SYT1: variants seen among roughly 807,000 people sequenced by gnomAD.
The protein encoded by SYT1 is synaptotagmin 1, also known as synaptotagmin-1.
SYT1 carries 8 observed loss-of-function variants against 44.8 expected under a neutral mutation model. That is an observed-to-expected ratio of 0.18 (90% CI 0.10 to 0.32). The LOEUF (loss-of-function observed/expected upper bound fraction) is 0.32, where lower values mean the gene tolerates loss of function less well. SYT1 is among the 10% of genes least tolerant of loss of function. The pLI is 1.00. For synonymous variants in SYT1, 154 were observed against 188.8 expected (o/e 0.82, Z 1.51); for missense variants, 286 against 509.3 (o/e 0.56, Z 4.22).
At chr12:79,270,618 A>G (rs959071514) in intron 4 of SYT1, among the ~76,000 whole-genome samples, 1 of 152,234 alleles carries the variant, frequency 6.6e-6, no homozygotes, top group African/African-American at 2.4e-5. Context: ...ATCTGCCCTT[A>G]AAAGTGAAAC....
chr12:79,095,624 C>T (rs1196794226), intron 3 of SYT1, among the ~76,000 whole-genome samples: 1 of 151,916 alleles, frequency 6.6e-6, no homozygotes, highest in Admixed American at 6.6e-5. Flanking sequence ...TCTTGCCACT[C>T]TTACTCAACT....
intron 8 of SYT1, among the ~76,000 whole-genome samples, chr12:79,310,157 G>A (rs1470486917): frequency 5.3e-5 from 8 of 151,932 alleles, no homozygotes; most frequent in Non-Finnish European, 7.4e-5. Flanking sequence ...TAGGTCTAAC[G>A]TTTAAGTCTT....
intron 7 of SYT1, among the ~76,000 whole-genome samples, chr12:79,298,338 G>A (rs1240137785): frequency 2.0e-5 from 3 of 151,992 alleles, no homozygotes; most frequent in Non-Finnish European, 4.4e-5. Context: ...AAATAATCAG[G>A]TTCCAAACAG....
chr12:78,915,781 T>C (rs1446081731), intron 1 of SYT1, among the ~76,000 whole-genome samples: 2 of 152,048 alleles, frequency 1.3e-5, no homozygotes, highest in African/African-American at 2.4e-5. Flanking sequence ...AAAATGACTC[T>C]GCTTCTTACC....
At chr12:79,338,738 G>A (rs1206769150) in intron 8 of SYT1, among the ~76,000 whole-genome samples, 2 of 141,622 alleles carry the variant, frequency 1.4e-5, no homozygotes, top group Non-Finnish European at 3.0e-5. Context: ...TGTTACATAT[G>A]TATACATGTG....
intron 1 of SYT1, among the ~76,000 whole-genome samples, chr12:78,960,997 T>G (rs1879471225): frequency 6.6e-6 from 1 of 152,178 alleles, no homozygotes. Context: ...CAAAAACACG[T>G]ATATATTCAT....
chr12:78,939,466 T>C (rs1878237529), intron 1 of SYT1, among the ~76,000 whole-genome samples: 1 of 152,236 alleles, frequency 6.6e-6, no homozygotes, highest in Non-Finnish European at 1.5e-5. Flanking sequence ...GGTAGGACTC[T>C]AGAACATTTA....
chr12:79,252,410 T>C (rs1877271995), intron 4 of SYT1, among the ~76,000 whole-genome samples: 1 of 152,182 alleles, frequency 6.6e-6, no homozygotes, highest in Non-Finnish European at 1.5e-5. Flanking sequence ...TGGTCATTAG[T>C]ACTGTTCAAA....
chr12:79,409,569 G>A (rs2136130616), intron 9 of SYT1, among the ~76,000 whole-genome samples: 1 of 152,202 alleles, frequency 6.6e-6, no homozygotes, highest in South Asian at 2.1e-4. Flanking sequence ...ATGGCCTAGA[G>A]GTAGAGAAAT....
chr12:79,389,203 A>T (rs1211761958), intron 9 of SYT1, among the ~76,000 whole-genome samples: 2 of 152,228 alleles, frequency 1.3e-5, no homozygotes, highest in Non-Finnish European at 2.9e-5. Context: ...CATTTTTAAT[A>T]AACTGTACTA....
rs1250392944 is a variant in SYT1 at position 78,902,384 on chromosome 12, G to C, written c.-217+37275G>C. On this transcript the variant is annotated intron_variant, in intron 1 of 10. Transcript: ENST00000261205. ...ACATATAGAGTAGTAAAAACATGAA[G>C]TGTATCTTAGGGACATCTCTGTACC... is the stretch of plus-strand genomic sequence containing the variant. Among the ~76,000 whole-genome samples the C allele has an allele frequency of 2.6e-5, 4 of 151,880 alleles. 1 individual carries two copies. The highest frequency in any genetic ancestry group is 2.6e-4 in the Admixed American group (4 of 15,232).
intron 3 of SYT1, among the ~76,000 whole-genome samples, chr12:79,056,472 C>T (rs141630715): frequency 1.2e-3 from 176 of 152,128 alleles, no homozygotes; most frequent in East Asian, 9.5e-3. Flanking sequence ...TGACAGTCTT[C>T]GTGGCCCTAG....
chr12:79,113,494 T>C (rs781414429), intron 3 of SYT1, among the ~76,000 whole-genome samples: 2 of 152,116 alleles, frequency 1.3e-5, no homozygotes, highest in Admixed American at 1.3e-4. Flanking sequence ...ATATTGTCAA[T>C]TGAATTTTGG....
intron 3 of SYT1, among the ~76,000 whole-genome samples, chr12:79,110,639 T>G (rs1324496342): frequency 2.0e-5 from 3 of 152,230 alleles, no homozygotes; most frequent in African/African-American, 7.2e-5. Context: ...TAAACTTTAA[T>G]TCTTCATATG....
intron 9 of SYT1, among the ~76,000 whole-genome samples, chr12:79,421,370 T>A (rs896078162): frequency 1.3e-5 from 2 of 152,146 alleles, no homozygotes; most frequent in African/African-American, 4.8e-5. Context: ...TATAAATTTC[T>A]AAGGTGCGCC....
At chr12:78,945,782 C>T (rs1221838750) in intron 1 of SYT1, among the ~76,000 whole-genome samples, 7 of 152,042 alleles carry the variant, frequency 4.6e-5, no homozygotes, top group African/African-American at 7.2e-5. Flanking sequence ...CAATTGTGCC[C>T]GGTCCACCCT....
At chr12:79,438,191 C>T (rs1048274112) in intron 9 of SYT1, among the ~76,000 whole-genome samples, 1 of 152,070 alleles carries the variant, frequency 6.6e-6, no homozygotes, top group African/African-American at 2.4e-5. Context: ...GTAATTGGAA[C>T]AGTAAGGAAA....
chr12:79,024,404 TG>T (rs1452972724), intron 2 of SYT1, among the ~76,000 whole-genome samples: 1 of 151,852 alleles, frequency 6.6e-6, no homozygotes, highest in Non-Finnish European at 1.5e-5. Flanking sequence ...TGTTAGCTGC[TG>T]TACTCTTATC....
rs114236369 is a variant in SYT1 at position 79,155,730 on chromosome 12, T to C, written c.-17-61773T>C. Among the ~76,000 whole-genome samples the C allele has an allele frequency of 7.5e-3, 1,147 of 152,332 alleles. 13 individuals are homozygous for C. Among genetic ancestry groups the C allele is most frequent in the African/African-American group, 0.026 (1,081 of 41,568 alleles). ...TCTAGTTTCACTTTTAAAATGTGCA[T>C]TAAAATGGAACAAACTTCTCTGACA... On this transcript the variant is annotated intron_variant, in intron 3 of 10. Coordinates refer to ENST00000261205, the MANE Select transcript of SYT1 (RefSeq NM_005639.3).
Sources: gnomAD v4.1 joint callset for allele counts (sites outside exome capture counted in the v4.1 genomes callset) on GRCh38, gnomAD v4.1.1 for gene constraint, MANE v1.5 for transcripts, NCBI Gene and HGNC (gene_info 2026-07-23, HGNC 2026-07-21) for gene names.